The following EML6 variants were observed in gnomAD, a reference collection of about 807,000 sequenced individuals.
EML6 encodes the protein echinoderm microtubule-associated protein-like 6.
EML6 carries 154 observed loss-of-function variants against 240.1 expected under a neutral mutation model. The ratio of observed to expected loss-of-function variants is 0.64; its 90% CI spans 0.56 to 0.73. The LOEUF is 0.73. EML6 is among the 30% of genes least tolerant of loss of function. The pLI is 0.00. For missense variants in EML6, 2,964 were observed against 2,474.6 expected, an observed-to-expected ratio of 1.20 and a Z score of -4.20; for synonymous variants, 1,148 against 899.0, an observed-to-expected ratio of 1.28 and a Z score of -4.95.
chr2:54,829,488 T>A lies in EML6; in HGVS notation c.847+11T>A. 1.9e-6 allele frequency: 3 copies of A among 1,545,602 alleles called. No homozygotes were observed. The highest frequency in any genetic ancestry group is 1.8e-6 in the Non-Finnish European group (2 of 1,142,004). On this transcript the variant is annotated intron_variant, in intron 7 of 41. Coordinates refer to ENST00000356458, the MANE Select transcript of EML6 (RefSeq NM_001039753.4). Reference sequence around the variant, plus strand: ...AACAAGGATACAAAGGTAATATATGTGTTAAGCTTACCTGTAACTCTGGAT... The same window carrying A: ...AACAAGGATACAAAGGTAATATATGAGTTAAGCTTACCTGTAACTCTGGAT...
intron 2 of EML6, among the ~76,000 whole-genome samples, chr2:54,769,497 T>G (rs1482892795): frequency 6.6e-6 from 1 of 152,182 alleles, no homozygotes; most frequent in Admixed American, 6.5e-5. Context: ...GCATATACAT[T>G]TAAAATATCC....
Position 54,827,760 on chromosome 2 carries a change from T to C in EML6, c.711+9T>C. ...TTCAAGGAGCACATAGTGTAAGTATTACCTTGTGGAAATCTGTGGGTGACC... is the reference window on the plus strand; with the variant it reads ...TTCAAGGAGCACATAGTGTAAGTATCACCTTGTGGAAATCTGTGGGTGACC... On this transcript the variant is annotated intron_variant, in intron 6 of 41. Coordinates refer to ENST00000356458, the MANE Select transcript of EML6 (RefSeq NM_001039753.4). 6.5e-7 allele frequency: 1 copy of C among 1,543,108 alleles called. No homozygotes were observed. The highest frequency in any genetic ancestry group is 8.8e-7 in the Non-Finnish European group (1 of 1,139,610).
chr2:54,913,768 TTC>T (rs1194111148), intron 25 of EML6, among the ~76,000 whole-genome samples: 1 of 152,226 alleles, frequency 6.6e-6, no homozygotes, highest in Non-Finnish European at 1.5e-5. Context: ...CTAGGTTTTC[TTC>T]TAGGATTCTT....
intron 3 of EML6, among the ~76,000 whole-genome samples, chr2:54,813,997 T>C (rs1179623813): frequency 6.6e-6 from 1 of 152,224 alleles, no homozygotes; most frequent in Non-Finnish European, 1.5e-5. Flanking sequence ...ATGTCTGACT[T>C]AGTTGAATCT....
At chr2:54,882,205 C>G (rs1046843966) in intron 17 of EML6, 2 of 152,108 alleles carry the variant, frequency 1.3e-5, no homozygotes, top group African/African-American at 4.8e-5. Context: ...AACAATTTCC[C>G]CGCATGCAAT....
intron 2 of EML6, among the ~76,000 whole-genome samples, chr2:54,753,991 C>T (rs776205759): frequency 5.9e-5 from 9 of 151,702 alleles, no homozygotes; most frequent in East Asian, 5.9e-4. Context: ...AAAAATTAGC[C>T]GGGTGTGGCA....
At position 54,954,057 on chromosome 2, in the gene EML6, A is replaced by G; in HGVS notation, c.4387A>G (p.Lys1463Glu). The G allele has an allele frequency of 6.4e-7, 1 of 1,551,592 alleles. No individual in the cohort carries two copies. Among genetic ancestry groups the G allele is most frequent in the Non-Finnish European group, 8.7e-7 (1 of 1,146,922 alleles). ...CTCCATGCTGCGGTGCTTCCACTCC[A>G]AGGGGGTGAATTACATCAACTTCAG... ...TLSMLRCFHS[K>E]GVNYINFSAT... The change falls in exon 32 of 42, where the codon AAG (lysine) becomes GAG (glutamate). Residue 1463 changes from lysine to glutamate, a missense_variant. By Grantham distance (56) the Lys-to-Glu change is moderately conservative. Transcript: ENST00000356458.
chr2:54,833,800 A>G (rs781653392), intron 7 of EML6, among the ~76,000 whole-genome samples: 42 of 152,198 alleles, frequency 2.8e-4, no homozygotes, highest in Non-Finnish European at 5.1e-4. Context: ...GATGATATAA[A>G]CCAACAACCT....
intron 17 of EML6, among the ~76,000 whole-genome samples, chr2:54,888,792 C>T (rs1672296810): frequency 6.6e-6 from 1 of 152,194 alleles, no homozygotes; most frequent in Non-Finnish European, 1.5e-5. Flanking sequence ...GTTGCTGCCA[C>T]ATTTTGACAA....
At chr2:54,846,148 C>G (rs1389627812) in intron 8 of EML6, among the ~76,000 whole-genome samples, 1 of 152,150 alleles carries the variant, frequency 6.6e-6, no homozygotes, top group African/African-American at 2.4e-5. Context: ...GCCAGGAGTC[C>G]TGTGAGGTGT....
chr2:54,803,532 A>G (rs1352207822), intron 2 of EML6, among the ~76,000 whole-genome samples: 1 of 152,118 alleles, frequency 6.6e-6, no homozygotes, highest in Admixed American at 6.5e-5. Flanking sequence ...TGCCTTAGGT[A>G]CCAATTAGTG....
chr2:54,959,388 C>T (rs542514960), intron 34 of EML6, 127 bp downstream of exon 34: 1 of 887,318 alleles, frequency 1.1e-6, no homozygotes, highest in East Asian at 2.7e-5. Context: ...TTAGGAAGAT[C>T]AGTCTGCTCT....
chr2:54,957,028 C>CA (rs1422821264), intron 32 of EML6, among the ~76,000 whole-genome samples: 10 of 152,142 alleles, frequency 6.6e-5, no homozygotes, highest in Non-Finnish European at 4.4e-5. Context: ...CATGATCACT[C>CA]AGAGTATCAA....
At chr2:54,873,096 A>G (rs1671339141) in intron 16 of EML6, among the ~76,000 whole-genome samples, 2 of 152,238 alleles carry the variant, frequency 1.3e-5, no homozygotes, top group Admixed American at 6.5e-5. Context: ...TGCTTAATGC[A>G]CTTTGTCTTG....
At chr2:54,783,093 A>C (rs939209757) in intron 2 of EML6, among the ~76,000 whole-genome samples, 1 of 152,232 alleles carries the variant, frequency 6.6e-6, no homozygotes, top group Admixed American at 6.5e-5. Flanking sequence ...ATGCGTGCAT[A>C]TATTATAGTC....
At position 54,764,743 on chromosome 2, in the gene EML6, C is replaced by T. The variant is rs117487785; in HGVS notation, c.197+39485C>T. Among the ~76,000 whole-genome samples, 43 of 152,298 alleles carry T rather than the reference C, an allele frequency of 2.8e-4. No individual in the cohort carries two copies. The East Asian group carries it at 8.1e-3, about 29-fold the overall frequency. The stretch of plus-strand genomic sequence containing the variant: ...CTGTTCTGCCTAGGGCAGAATCAAA[C>T]GCAGTTTGGGGAAATGGGGCAGCAA... On this transcript the variant is annotated intron_variant, in intron 2 of 41. Transcript: ENST00000356458.
chr2:54,896,228 G>A (rs1402254869), intron 21 of EML6, among the ~76,000 whole-genome samples: 1 of 152,144 alleles, frequency 6.6e-6, no homozygotes, highest in Non-Finnish European at 1.5e-5. Flanking sequence ...AGGTGTGGAA[G>A]AAGTGCCTTA....
At chr2:54,756,100 T>A (rs530061546) in intron 2 of EML6, among the ~76,000 whole-genome samples, 1 of 152,222 alleles carries the variant, frequency 6.6e-6, no homozygotes, top group African/African-American at 2.4e-5. Context: ...GTTTCTCTCA[T>A]TCAGTGAGAA....
Position 54,950,831 on chromosome 2 carries a change from C to G in EML6, c.4213+52C>G, listed in dbSNP as rs762403555. The G allele has an allele frequency of 3.9e-5, 59 of 1,520,340 alleles. No homozygotes were observed. In the Admixed American group the frequency reaches 4.5e-4, roughly 12 times the overall value. 94.2% of individuals were successfully genotyped at this position (1,520,340 alleles called of 1,614,324 possible). A position where few individuals can be genotyped will look rare whatever the true frequency, so the allele number is the denominator to read the frequency against. The stretch of plus-strand genomic sequence containing the variant: ...TTTTCTTTTAGCTGTTTTTTACATG[C>G]TTTCCCCACTCTTTAGATGCCCAAA... On this transcript the variant is annotated intron_variant, in intron 30 of 41. Transcript: ENST00000356458.
Sources: gnomAD v4.1 joint callset for allele counts (sites outside exome capture counted in the v4.1 genomes callset) on GRCh38, gnomAD v4.1.1 for gene constraint, MANE v1.5 for transcripts, NCBI Gene and HGNC (gene_info 2026-07-23, HGNC 2026-07-21) for gene names.